The following ZNF521 variants were observed in gnomAD, a reference collection of about 807,000 sequenced individuals.
ZNF521 encodes zinc finger protein 521.
In ZNF521, 14 loss-of-function variants were observed where a neutral mutation model predicts 105.5. That is an observed-to-expected ratio of 0.13 (90% confidence interval 0.09 to 0.21). ZNF521 has a LOEUF of 0.21. Among genes scored for constraint, ZNF521 ranks in the 10% least tolerant of loss-of-function variants. The probability of loss-of-function intolerance (pLI) is 1.00; values close to 1 mark genes in which losing one functional copy is unlikely to be tolerated. For synonymous variants in ZNF521, 635 were observed against 606.0 expected, an observed-to-expected ratio of 1.05 and a Z score of -0.70; for missense variants, 1,233 against 1,629.7, an observed-to-expected ratio of 0.76 and a Z score of 4.19.
intron 3 of ZNF521, among the ~76,000 whole-genome samples, chr18:25,273,947 A>G (rs1909861145): frequency 6.6e-6 from 1 of 152,176 alleles, no homozygotes; most frequent in Non-Finnish European, 1.5e-5. Flanking sequence ...AAGGGTCCTA[A>G]CAGTTCAGAG....
At chr18:25,200,098 T>G (rs1032620890) in intron 4 of ZNF521, among the ~76,000 whole-genome samples, 1 of 152,130 alleles carries the variant, frequency 6.6e-6, no homozygotes, top group Admixed American at 6.6e-5. Context: ...GATTCTACTG[T>G]CTTTCACACA....
chr18:25,188,489 G>A lies in ZNF521; in HGVS notation c.3658+6671C>T, dbSNP rs566135823. ...ACGATGTGTGTGTGTGCATGGGCAA[G>A]CATGACTGTGCAGGGATCTATATCT... On this transcript the variant is annotated intron_variant, in intron 5 of 7. Transcript: ENST00000361524. Among the ~76,000 whole-genome samples the A allele has an allele frequency of 5.3e-5, 8 of 152,308 alleles. No homozygotes were observed. The East Asian group carries it at 1.5e-3, about 29-fold the overall frequency.
chr18:25,079,679 C>T (rs538047302), intron 7 of ZNF521, among the ~76,000 whole-genome samples: 41 of 150,140 alleles, frequency 2.7e-4, no homozygotes, highest in African/African-American at 9.1e-4. Flanking sequence ...GTGGGGGGGA[C>T]GCAGGGTGCT....
intron 7 of ZNF521, among the ~76,000 whole-genome samples, chr18:25,070,207 G>A (rs2033183349): frequency 6.6e-6 from 1 of 152,086 alleles, no homozygotes; most frequent in Non-Finnish European, 1.5e-5. Context: ...ACTTAGGCCA[G>A]TTTTGAATGA....
intron 2 of ZNF521, among the ~76,000 whole-genome samples, chr18:25,340,290 G>A (rs929541218): frequency 6.6e-6 from 1 of 152,154 alleles, no homozygotes; most frequent in Non-Finnish European, 1.5e-5. Context: ...AGGCAGTGGA[G>A]GTTGCAGGGA....
Position 25,098,109 on chromosome 18 carries a change from A to AT in ZNF521, c.3659-6029dup, listed in dbSNP as rs1189315519. ...TGCAATATCGTCCAATTCCTTGGCT[A>AT]TTATTATAGGTTGTGTGAAGTACTT... is the stretch of plus-strand genomic sequence containing the variant. On this transcript the variant is annotated intron_variant, in intron 5 of 7. Transcript: ENST00000361524. Among the ~76,000 whole-genome samples, 24 of 152,236 alleles carry AT rather than the reference A, an allele frequency of 1.6e-4. 1 individual carries two copies. The highest frequency in any genetic ancestry group is 1.4e-3 in the Admixed American group (21 of 15,290).
chr18:25,181,704 C>T (rs886119853), intron 5 of ZNF521, among the ~76,000 whole-genome samples: 2 of 152,136 alleles, frequency 1.3e-5, no homozygotes, highest in East Asian at 1.9e-4. Context: ...ATTAGATAGA[C>T]GTCTTAGATG....
chr18:25,091,092 TAATC>T (rs1216765652), intron 6 of ZNF521, among the ~76,000 whole-genome samples: 1 of 152,156 alleles, frequency 6.6e-6, no homozygotes, highest in African/African-American at 2.4e-5. Flanking sequence ...TGAAGGTAAA[TAATC>T]AATGCTTGGA....
chr18:25,214,338 A>G (rs1242844288), intron 4 of ZNF521, among the ~76,000 whole-genome samples: 1 of 152,000 alleles, frequency 6.6e-6, no homozygotes. Flanking sequence ...TTTCATTATT[A>G]ATATTATTTA....
chr18:25,078,223 A>G (rs1420014054), intron 7 of ZNF521, among the ~76,000 whole-genome samples: 1 of 152,248 alleles, frequency 6.6e-6, no homozygotes, highest in African/African-American at 2.4e-5. Flanking sequence ...GCCTCGGAAC[A>G]GAACGAAATG....
At chr18:25,115,669 T>C (rs1054880326) in intron 5 of ZNF521, among the ~76,000 whole-genome samples, 7 of 152,244 alleles carry the variant, frequency 4.6e-5, no homozygotes, top group African/African-American at 1.7e-4. Context: ...TGTGAAGCAG[T>C]TGTGTTCTGT....
At chr18:25,174,425 T>C (rs2035500418) in intron 5 of ZNF521, among the ~76,000 whole-genome samples, 1 of 152,198 alleles carries the variant, frequency 6.6e-6, no homozygotes, top group Non-Finnish European at 1.5e-5. Context: ...AACATTAGTC[T>C]CTACTCATAA....
At chr18:25,178,079 T>TA (rs900908440) in intron 5 of ZNF521, among the ~76,000 whole-genome samples, 3 of 152,156 alleles carry the variant, frequency 2.0e-5, no homozygotes, top group East Asian at 1.9e-4. Flanking sequence ...GGAACTCTGC[T>TA]AAAAAAACTG....
At chr18:25,066,301 A>G (rs1387558206) in intron 7 of ZNF521, among the ~76,000 whole-genome samples, 1 of 152,272 alleles carries the variant, frequency 6.6e-6, no homozygotes, top group Admixed American at 6.5e-5. Context: ...CAACCCCGCC[A>G]TGGGATTCTG....
chr18:25,278,467 T>C (rs1910172557), intron 3 of ZNF521, among the ~76,000 whole-genome samples: 2 of 152,228 alleles, frequency 1.3e-5, no homozygotes. Flanking sequence ...CAGGTAGTTA[T>C]GACCCTCCAC....
intron 3 of ZNF521, among the ~76,000 whole-genome samples, chr18:25,246,491 C>T (rs1907733586): frequency 6.6e-6 from 1 of 152,124 alleles, no homozygotes; most frequent in Non-Finnish European, 1.5e-5. Flanking sequence ...CCCCATCCAA[C>T]TAATCTGTTC....
chr18:25,089,660 A>C, intron 6 of ZNF521, 80 bp from the exon 7 acceptor site: 1 of 1,141,556 alleles, frequency 8.8e-7, no homozygotes, highest in Non-Finnish European at 1.3e-6. Context: ...ATGAACAGAC[A>C]GCAGGCCGGA....
At chr18:25,334,550 G>A (rs1035833254) in intron 2 of ZNF521, among the ~76,000 whole-genome samples, 6 of 152,156 alleles carry the variant, frequency 3.9e-5, no homozygotes, top group African/African-American at 7.2e-5. Context: ...CTTTTGAAAC[G>A]TTAAACAGGT....
At chr18:25,169,537 A>AT (rs1170878952) in intron 5 of ZNF521, among the ~76,000 whole-genome samples, 7 of 151,914 alleles carry the variant, frequency 4.6e-5, no homozygotes, top group East Asian at 1.9e-4. Context: ...TACTTTCACT[A>AT]TTTTTTTTAA....
Sources: allele counts gnomAD v4.1 joint callset (sites outside exome capture counted in the v4.1 genomes callset), GRCh38; gene constraint gnomAD v4.1.1; transcripts MANE v1.5; gene names NCBI Gene and HGNC (gene_info 2026-07-23, HGNC 2026-07-21).